The following MYO1B variants were observed in gnomAD, a reference collection of about 807,000 sequenced individuals.
MYO1B encodes unconventional myosin-Ib.
A neutral mutation model predicts 159.7 loss-of-function variants in MYO1B; 72 were observed. The observed-to-expected ratio is 0.45, with a 90% CI of 0.37 to 0.55. The LOEUF (loss-of-function observed/expected upper bound fraction) is 0.55, where lower values mean the gene tolerates loss of function less well. MYO1B is among the 20% of genes least tolerant of loss of function. The pLI, the probability that MYO1B is intolerant of heterozygous loss-of-function variation, is 0.00. For synonymous variants in MYO1B, 468 were observed against 473.8 expected, an observed-to-expected ratio of 0.99 and a Z score of 0.16; for missense variants, 1,062 against 1,364.8, an observed-to-expected ratio of 0.78 and a Z score of 3.50.
chr2:191,249,687 TTTG>T (rs992717213), intron 1 of MYO1B, among the ~76,000 whole-genome samples: 3 of 152,158 alleles, frequency 2.0e-5, no homozygotes, highest in Non-Finnish European at 4.4e-5. Flanking sequence ...ATATTAGGTT[TTTG>T]TTGTTGTTGT....
intron 7 of MYO1B, among the ~76,000 whole-genome samples, chr2:191,353,395 A>G (rs1198103830): frequency 3.3e-5 from 5 of 152,212 alleles, no homozygotes; most frequent in African/African-American, 1.2e-4. Context: ...AGTGGAGAAC[A>G]TATGGTACAA....
In MYO1B at chr2:191,424,987, C is replaced by T. The variant is rs929119412; in HGVS notation, c.*1027C>T. On this transcript the variant is annotated 3_prime_UTR_variant, in exon 31 of 31. Coordinates refer to ENST00000392318, the MANE Select transcript of MYO1B (RefSeq NM_001130158.3). ...ATTGGTACAGGGTGCCTATTTTAGT[C>T]ATGGATCAAAATTTGTGTAACTTGC... is the stretch of plus-strand genomic sequence containing the variant. 1.5e-4 allele frequency: 23 copies of T among 152,576 alleles called. No individual in the cohort carries two copies. Among genetic ancestry groups the T allele is most frequent in the African/African-American group, 5.1e-4 (21 of 41,532 alleles). 9.5% of individuals were successfully genotyped at this position (152,576 alleles called of 1,614,324 possible).
At chr2:191,326,238 A>G (rs1691055390) in intron 3 of MYO1B, among the ~76,000 whole-genome samples, 1 of 152,182 alleles carries the variant, frequency 6.6e-6, no homozygotes, top group South Asian at 2.1e-4. Flanking sequence ...TTCCTTAATT[A>G]CAGAGTGGCT....
At chr2:191,364,056 T>C in intron 10 of MYO1B, 102 bp from the exon 11 acceptor site, 1 of 1,199,114 alleles carries the variant, frequency 8.3e-7, no homozygotes, top group African/African-American at 1.5e-5. Flanking sequence ...TTTATACTGA[T>C]CTGTTTGATT....
intron 1 of MYO1B, among the ~76,000 whole-genome samples, chr2:191,268,471 A>G (rs954265028): frequency 6.6e-6 from 1 of 152,186 alleles, no homozygotes; most frequent in African/African-American, 2.4e-5. Flanking sequence ...TTTTGGGAGG[A>G]CGCAAGCATT....
Position 191,393,076 on chromosome 2 carries a change from T to C in MYO1B, c.2080T>C (p.Phe694Leu), listed in dbSNP as rs1335882415. ...KIFIRNPRTLFKLEDLRKQRL... is the reference protein window; with the variant it reads ...KIFIRNPRTLLKLEDLRKQRL... The stretch of plus-strand genomic sequence containing the variant: ...TCCATCTATCATTTCTTATTAGTTA[T>C]TCAAATTAGAAGACCTGAGGAAGCA... Residue 694 changes from phenylalanine to leucine, a missense_variant, in exon 20 of 31, where the codon TTC becomes CTC. By Grantham distance (22) the Phe-to-Leu change is conservative. Around this residue, in one of 5 missense-constraint regions of MYO1B, gnomAD observed 609 missense variants for 744.4 expected, o/e 0.82. Coordinates refer to ENST00000392318, the MANE Select transcript of MYO1B (RefSeq NM_001130158.3). 2 of 1,613,132 alleles carry C rather than the reference T, an allele frequency of 1.2e-6. No individual in the cohort carries two copies. Among genetic ancestry groups the C allele is most frequent in the South Asian group, 1.1e-5 (1 of 90,984 alleles).
chr2:191,337,276 A>G (rs1192593275), intron 4 of MYO1B, among the ~76,000 whole-genome samples: 1 of 152,222 alleles, frequency 6.6e-6, no homozygotes, highest in Admixed American at 6.5e-5. Context: ...AGATTATTAT[A>G]TATGAATTTA....
chr2:191,307,275 C>T (rs925911022), intron 3 of MYO1B, among the ~76,000 whole-genome samples: 3 of 151,992 alleles, frequency 2.0e-5, no homozygotes, highest in Non-Finnish European at 2.9e-5. Context: ...CCAACATTGC[C>T]ATGGCATTTG....
intron 28 of MYO1B, 52 bp downstream of exon 28, chr2:191,414,232 G>C (rs749089164): frequency 1.3e-6 from 2 of 1,557,864 alleles, no homozygotes; most frequent in South Asian, 2.5e-5. Context: ...AGTTGGGATA[G>C]TCACCCTGTT....
chr2:191,329,492 TGTG>T (rs1691316638), intron 3 of MYO1B, among the ~76,000 whole-genome samples: 3 of 151,850 alleles, frequency 2.0e-5, no homozygotes, highest in Admixed American at 6.6e-5. Flanking sequence ...ATTTTAGACA[TGTG>T]GTGTAACATT....
chr2:191,327,278 T>G (rs995359286), intron 3 of MYO1B, among the ~76,000 whole-genome samples: 1 of 152,220 alleles, frequency 6.6e-6, no homozygotes, highest in Admixed American at 6.5e-5. Flanking sequence ...TTTATGTCTC[T>G]GTGGCATAAA....
intron 24 of MYO1B, among the ~76,000 whole-genome samples, chr2:191,404,319 C>G (rs1029474401): frequency 6.6e-6 from 1 of 152,030 alleles, no homozygotes; most frequent in African/African-American, 2.4e-5. Context: ...AATAACCTGC[C>G]CTGTCGAATA....
chr2:191,324,724 A>T (rs1284801170), intron 3 of MYO1B, among the ~76,000 whole-genome samples: 2 of 152,192 alleles, frequency 1.3e-5, no homozygotes, highest in Admixed American at 1.3e-4. Flanking sequence ...ACATAAATTA[A>T]ATTACCATGC....
intron 7 of MYO1B, among the ~76,000 whole-genome samples, chr2:191,354,399 G>A (rs1342611548): frequency 6.6e-6 from 1 of 151,842 alleles, no homozygotes; most frequent in Non-Finnish European, 1.5e-5. Flanking sequence ...TGCTTTATTG[G>A]AAAATTTTGT....
chr2:191,307,737 G>A (rs927053067), intron 3 of MYO1B, among the ~76,000 whole-genome samples: 4 of 152,142 alleles, frequency 2.6e-5, no homozygotes, highest in South Asian at 2.1e-4. Context: ...AACCCCACAC[G>A]TTTGGGGGTT....
intron 2 of MYO1B, among the ~76,000 whole-genome samples, chr2:191,295,036 G>A (rs1325287532): frequency 1.3e-5 from 2 of 152,128 alleles, no homozygotes; most frequent in African/African-American, 2.4e-5. Flanking sequence ...ACATTGGAAA[G>A]GTGGGAAGTT....
intron 21 of MYO1B, among the ~76,000 whole-genome samples, chr2:191,398,474 G>T (rs1047357387): frequency 6.7e-6 from 1 of 150,002 alleles, no homozygotes; most frequent in African/African-American, 2.4e-5. Flanking sequence ...TCCCAGACGG[G>T]GTGGCTGCCG....
intron 7 of MYO1B, among the ~76,000 whole-genome samples, chr2:191,358,539 T>C (rs1399038619): frequency 6.6e-6 from 1 of 152,250 alleles, no homozygotes; most frequent in Non-Finnish European, 1.5e-5. Flanking sequence ...TTCTACACTC[T>C]GCAATGTCTA....
chr2:191,402,769 G>T (rs1482560778), intron 24 of MYO1B, 51 bp downstream of exon 24: 3 of 1,396,266 alleles, frequency 2.1e-6, no homozygotes, highest in Admixed American at 2.0e-5. Context: ...ATAAAGCCTA[G>T]CACCTACTAA....
Sources: gnomAD v4.1 joint callset for allele counts (sites outside exome capture counted in the v4.1 genomes callset) on GRCh38, gnomAD v4.1.1 for gene constraint, gnomAD v4.1.1 regional missense constraint, MANE v1.5 for transcripts, NCBI Gene and HGNC (gene_info 2026-07-23, HGNC 2026-07-21) for gene names.